EML6: variants seen among roughly 807,000 people sequenced by gnomAD.
EML6 encodes the protein EMAP like 6, also known as echinoderm microtubule-associated protein-like 6.
In EML6, 154 loss-of-function variants were observed where a neutral mutation model predicts 240.1. The ratio of observed to expected loss-of-function variants is 0.64; its 90% CI spans 0.56 to 0.73. The LOEUF (loss-of-function observed/expected upper bound fraction) is 0.73. Among genes scored for constraint, EML6 ranks in the 30% least tolerant of loss-of-function variants. The pLI is 0.00. For synonymous variants in EML6, 1,148 were observed against 899.0 expected, an observed-to-expected ratio of 1.28 and a Z score of -4.95; for missense variants, 2,964 against 2,474.6, an observed-to-expected ratio of 1.20 and a Z score of -4.20.
At chr2:54,922,925 G>A (rs896636375) in intron 26 of EML6, among the ~76,000 whole-genome samples, 1 of 147,726 alleles carries the variant, frequency 6.8e-6, no homozygotes, top group Non-Finnish European at 1.5e-5. Context: ...TTGGTCAAAG[G>A]GTATAAACTT....
At chr2:54,799,355 C>G (rs752855346) in intron 2 of EML6, among the ~76,000 whole-genome samples, 3 of 152,022 alleles carry the variant, frequency 2.0e-5, no homozygotes, top group Non-Finnish European at 4.4e-5. Context: ...GCCACCACGC[C>G]CAGCCTTTAT....
At chr2:54,912,344 AT>A (rs1673685615) in intron 25 of EML6, among the ~76,000 whole-genome samples, 3 of 152,146 alleles carry the variant, frequency 2.0e-5, no homozygotes, top group African/African-American at 7.2e-5. Context: ...GGTATTTTTA[AT>A]TACGTCCTTC....
At chr2:54,949,626 C>T (rs1245716182) in intron 29 of EML6, among the ~76,000 whole-genome samples, 1 of 152,190 alleles carries the variant, frequency 6.6e-6, no homozygotes, top group African/African-American at 2.4e-5. Flanking sequence ...CCCAATGCCT[C>T]CAGAGTTGGT....
intron 28 of EML6, among the ~76,000 whole-genome samples, chr2:54,942,348 T>C (rs562781628): frequency 7.6e-4 from 116 of 152,310 alleles, no homozygotes; most frequent in African/African-American, 2.3e-3. Flanking sequence ...GTAAGCACTT[T>C]TCTGTCAAAA....
chr2:54,744,933 CACACACACACACACACACACACACACACA>C (rs1558520958), intron 2 of EML6, among the ~76,000 whole-genome samples: 30 of 150,348 alleles, frequency 2.0e-4, no homozygotes, highest in Admixed American at 3.3e-4. Flanking sequence ...CACACACACA[CACACACACACACACACACACACACACACA>C]CCCTGCCATG....
At chr2:54,730,955 A>G (rs1407087081) in intron 2 of EML6, among the ~76,000 whole-genome samples, 1 of 152,318 alleles carries the variant, frequency 6.6e-6, no homozygotes, top group East Asian at 1.9e-4. Context: ...TAAGATGACT[A>G]TAGATTGTGA....
intron 17 of EML6, among the ~76,000 whole-genome samples, chr2:54,887,709 T>A (rs1325296790): frequency 1.3e-5 from 2 of 152,198 alleles, no homozygotes; most frequent in African/African-American, 4.8e-5. Context: ...TTTCTGTTTT[T>A]TCCATATGGC....
chr2:54,764,666 G>A (rs1198510526), intron 2 of EML6, among the ~76,000 whole-genome samples: 3 of 152,190 alleles, frequency 2.0e-5, no homozygotes, highest in African/African-American at 4.8e-5. Context: ...GTTAAAGGCT[G>A]AACTTGTTTT....
intron 2 of EML6, among the ~76,000 whole-genome samples, chr2:54,741,734 T>C (rs1317497586): frequency 6.6e-6 from 1 of 152,222 alleles, no homozygotes; most frequent in African/African-American, 2.4e-5. Flanking sequence ...GGGACTTCCA[T>C]TGGCGACATC....
At chr2:54,761,319 T>C (rs1667972112) in intron 2 of EML6, among the ~76,000 whole-genome samples, 1 of 152,062 alleles carries the variant, frequency 6.6e-6, no homozygotes, top group Admixed American at 6.6e-5. Flanking sequence ...TTATTAATGC[T>C]TAACTGAAAA....
intron 25 of EML6, among the ~76,000 whole-genome samples, chr2:54,912,407 A>T (rs1329604312): frequency 6.6e-6 from 1 of 152,074 alleles, no homozygotes; most frequent in African/African-American, 2.4e-5. Flanking sequence ...TTTATTTTTA[A>T]TTTTAATTTC....
At chr2:54,825,786 G>A (rs1389430721) in intron 5 of EML6, among the ~76,000 whole-genome samples, 4 of 152,046 alleles carry the variant, frequency 2.6e-5, no homozygotes, top group African/African-American at 9.7e-5. Flanking sequence ...TGGCCACCTT[G>A]GGGGTATAGC....
chr2:54,887,098 C>T (rs1672189517), intron 17 of EML6, among the ~76,000 whole-genome samples: 1 of 152,212 alleles, frequency 6.6e-6, no homozygotes, highest in African/African-American at 2.4e-5. Flanking sequence ...CCCTGCACCA[C>T]CCTTTTGTAC....
Position 54,961,184 on chromosome 2 carries a change from G to GTTGTTTTTTTTTTTTTGTTTTTGTTTTT in EML6, c.4968+852_4968+853insGTTTTTTTTTTTTTGTTTTTGTTTTTTT. ...GGAGCCTGGAAGTTATCAGGAAGTAGTTTTTTTTTTTTTTTTTTTGAGACG... is the reference window on the plus strand; with the variant it reads ...GGAGCCTGGAAGTTATCAGGAAGTAGTTGTTTTTTTTTTTTTGTTTTTGTTTTTTTTTTTTTTTTTTTTTTTTGAGACG... On this transcript the variant is annotated intron_variant, in intron 35 of 41. Coordinates refer to ENST00000356458, the MANE Select transcript of EML6 (RefSeq NM_001039753.4). Among the ~76,000 whole-genome samples, 2 of 55,424 alleles carry GTTGTTTTTTTTTTTTTGTTTTTGTTTTT rather than the reference G, an allele frequency of 3.6e-5. 1 individual carries two copies. Among genetic ancestry groups the GTTGTTTTTTTTTTTTTGTTTTTGTTTTT allele is most frequent in the Non-Finnish European group, 6.3e-5 (2 of 31,670 alleles). The allele number at this position is 55,424 out of a possible 152,430, so 36.4% of individuals were successfully genotyped here.
At chr2:54,942,600 G>T (rs569167742) in intron 28 of EML6, among the ~76,000 whole-genome samples, 7 of 152,072 alleles carry the variant, frequency 4.6e-5, no homozygotes, top group Non-Finnish European at 1.0e-4. Context: ...CTCTTTACCC[G>T]ACTCCCTCTC....
At chr2:54,930,596 TA>T (rs1015533586) in intron 28 of EML6, among the ~76,000 whole-genome samples, 1 of 152,070 alleles carries the variant, frequency 6.6e-6, no homozygotes, top group Non-Finnish European at 1.5e-5. Context: ...TACTGGCATT[TA>T]AAAAAATTCA....
At chr2:54,847,755 ACG>A in intron 9 of EML6, 132 bp downstream of exon 9, 6 of 791,086 alleles carry the variant, frequency 7.6e-6, no homozygotes, top group East Asian at 5.1e-5. Context: ...CTATAGATCT[ACG>A]ATCCCCTATC....
intron 28 of EML6, among the ~76,000 whole-genome samples, chr2:54,929,541 G>A (rs1405708872): frequency 1.3e-5 from 2 of 152,180 alleles, no homozygotes; most frequent in African/African-American, 4.8e-5. Context: ...TCACATTGAG[G>A]TAGGCTCGAT....
At chr2:54,876,716 A>C (rs961788741) in intron 16 of EML6, among the ~76,000 whole-genome samples, 6 of 152,220 alleles carry the variant, frequency 3.9e-5, no homozygotes, top group African/African-American at 1.4e-4. Context: ...TATAATTAAC[A>C]CATAATTGCA....
Sources: allele counts gnomAD v4.1 joint callset (sites outside exome capture counted in the v4.1 genomes callset), GRCh38; gene constraint gnomAD v4.1.1; transcripts MANE v1.5; gene names NCBI Gene and HGNC (gene_info 2026-07-23, HGNC 2026-07-21).